OPRM1: variants seen among roughly 807,000 people sequenced by gnomAD.
OPRM1 encodes opioid receptor mu 1, also known as mu-type opioid receptor.
A neutral mutation model predicts 31.8 loss-of-function variants in OPRM1; 27 were observed. The observed-to-expected ratio is 0.85, with a 90% CI of 0.63 to 1.17. OPRM1 has a LOEUF of 1.17. OPRM1 is among the 50% of genes most tolerant of loss of function. The pLI is 0.00. For synonymous variants in OPRM1, 196 were observed against 189.9 expected (o/e 1.03, Z -0.26); for missense variants, 536 against 511.1 (o/e 1.05, Z -0.47).
chr6:154,199,712 A>T (rs1384667158), intron 3 of OPRM1: 1 of 1,613,940 alleles, frequency 6.2e-7, no homozygotes, highest in Admixed American at 1.7e-5. Flanking sequence ...TGGGACAGTA[A>T]GATGGTCATG....
At position 154,090,047 on chromosome 6, in the gene OPRM1, T is replaced by A; in HGVS notation, c.512T>A (p.Val171Asp). The stretch of plus-strand genomic sequence containing the variant: ...ATGAGTGTTGATCGATACATTGCAG[T>A]CTGCCACCCTGTCAAGGCCTTAGAT... The part of the protein sequence containing the change: ...CTMSVDRYIA[V>D]CHPVKALDFR... Residue 171 changes from valine (V) to aspartate (D), a missense_variant, in exon 2 of 4, where the codon GTC (valine) becomes GAC (aspartate). Val to Asp is a radical substitution (Grantham distance 152). Coordinates refer to ENST00000330432, the MANE Select transcript of OPRM1 (RefSeq NM_000914.5). The A allele has an allele frequency of 6.2e-7, 1 of 1,614,036 alleles. No individual in the cohort carries two copies. Among genetic ancestry groups the A allele is most frequent in the Non-Finnish European group, 8.5e-7 (1 of 1,179,900 alleles).
intron 1 of OPRM1, among the ~76,000 whole-genome samples, chr6:154,085,885 G>GC (rs1790418063): frequency 1.0e-5 from 1 of 98,334 alleles, no homozygotes; most frequent in Admixed American, 1.0e-4. Context: ...ATGAAAGCTT[G>GC]CCCTTTTTTT....
At chr6:154,216,470 A>G (rs1030621980) in intron 3 of OPRM1, among the ~76,000 whole-genome samples, 2 of 152,232 alleles carry the variant, frequency 1.3e-5, no homozygotes, top group African/African-American at 4.8e-5. Context: ...GATCAAGCAT[A>G]GAATAGTATG....
chr6:154,049,282 A>G (rs1781750295), intron 1 of OPRM1, among the ~76,000 whole-genome samples: 1 of 152,016 alleles, frequency 6.6e-6, no homozygotes, highest in Admixed American at 6.5e-5. Context: ...CACCACCACC[A>G]CCAACAACAA....
chr6:154,199,587 CTT>C, intron 3 of OPRM1: 1 of 1,402,836 alleles, frequency 7.1e-7, no homozygotes, highest in South Asian at 1.4e-5. Context: ...TTTAACCATT[CTT>C]GTTACAAATT....
At chr6:154,239,087 T>G (rs1429604092) in intron 3 of OPRM1, among the ~76,000 whole-genome samples, 1 of 152,070 alleles carries the variant, frequency 6.6e-6, no homozygotes, top group Non-Finnish European at 1.5e-5. Context: ...ACTCTGGCAA[T>G]GCCCAAGCAT....
At position 154,109,794 on chromosome 6, in the gene OPRM1, G is replaced by C. The variant is rs71549147; in HGVS notation, c.1165-8889G>C. ...TCTCTCTCTCTCTCTCTCTCTCTCTGTGTGTGTGTGTGTGTGTGTGTGTGT... is the reference window on the plus strand; with the variant it reads ...TCTCTCTCTCTCTCTCTCTCTCTCTCTGTGTGTGTGTGTGTGTGTGTGTGT... On this transcript the variant is annotated intron_variant, in intron 3 of 3. Coordinates refer to ENST00000330432, the MANE Select transcript of OPRM1 (RefSeq NM_000914.5). Among the ~76,000 whole-genome samples, 588 of 58,996 alleles carry C rather than the reference G, an allele frequency of 1.0e-2. 1 individual carries two copies. The highest frequency in any genetic ancestry group is 0.013 in the African/African-American group (253 of 18,804). 38.7% of individuals were successfully genotyped at this position (58,996 alleles called of 152,430 possible).
chr6:154,099,363 G>A (rs1252357971), intron 3 of OPRM1, among the ~76,000 whole-genome samples: 1 of 148,206 alleles, frequency 6.7e-6, no homozygotes, highest in African/African-American at 2.5e-5. Context: ...GAGAGAGAGA[G>A]AGAGAAAGAA....
chr6:154,025,851 T>G (rs1203043875), intron 1 of OPRM1, among the ~76,000 whole-genome samples: 2 of 152,152 alleles, frequency 1.3e-5, no homozygotes. Flanking sequence ...CCCCTACTTT[T>G]TAACATTTTG....
chr6:154,159,044 A>T (rs955464436), intron 3 of OPRM1: 45 of 152,274 alleles, frequency 3.0e-4, no homozygotes, highest in African/African-American at 1.1e-3. Flanking sequence ...AGCAGTAGAC[A>T]TTCTTTGCGG....
intron 3 of OPRM1, among the ~76,000 whole-genome samples, chr6:154,237,690 T>C (rs1780243238): frequency 6.6e-6 from 1 of 152,152 alleles, no homozygotes; most frequent in Admixed American, 6.5e-5. Context: ...CATAATAAAG[T>C]ACAGGATTAG....
intron 1 of OPRM1, among the ~76,000 whole-genome samples, chr6:154,078,192 C>A (rs1788298173): frequency 6.6e-6 from 1 of 152,176 alleles, no homozygotes; most frequent in African/African-American, 2.4e-5. Context: ...CAGTTCCATG[C>A]TTTATAAACT....
upstream of OPRM1, among the ~76,000 whole-genome samples, chr6:154,037,157 T>A (rs1779353202): frequency 6.6e-6 from 1 of 151,944 alleles, no homozygotes; most frequent in Admixed American, 6.6e-5. Flanking sequence ...AGATGAAACA[T>A]ATGATTCACC....
At chr6:154,158,950 T>A (rs1298425846) in intron 3 of OPRM1, 1 of 152,198 alleles carries the variant, frequency 6.6e-6, no homozygotes, top group African/African-American at 2.4e-5. Context: ...ACAATTCAGA[T>A]GCCAAAGTCG....
At chr6:154,022,502 G>A (rs979465590) in intron 1 of OPRM1, among the ~76,000 whole-genome samples, 7 of 126,378 alleles carry the variant, frequency 5.5e-5, no homozygotes, top group Non-Finnish European at 1.1e-4. Flanking sequence ...CATTCTATAG[G>A]TTGTCTCTTC....
intron 1 of OPRM1, chr6:154,083,402 G>C (rs894751047): frequency 1.3e-5 from 2 of 152,144 alleles, no homozygotes; most frequent in South Asian, 4.1e-4. Context: ...TTATTATGGG[G>C]ATACACAGAT....
At chr6:154,109,792 C>CTCTCTGTGTGTGTGTGTG (rs1358444421) in intron 3 of OPRM1, among the ~76,000 whole-genome samples, 14 of 101,196 alleles carry the variant, frequency 1.4e-4, no homozygotes, top group African/African-American at 5.3e-4. Context: ...CTCTCTCTCT[C>CTCTCTGTGTGTGTGTGTG]TGTGTGTGTG....
intron 3 of OPRM1, among the ~76,000 whole-genome samples, chr6:154,152,219 A>C (rs76111825): frequency 0.054 from 7,965 of 146,772 alleles, 867 homozygotes; most frequent in African/African-American, 0.18. Flanking sequence ...GAAGGAAGAA[A>C]GAACGAAAAA....
rs903522350 is a variant in OPRM1, at chr6:154,212,648, G to T, written c.1165-34045G>T. The stretch of plus-strand genomic sequence containing the variant: ...CCCTGAAAATTGCACTTGCTCGTTG[G>T]CAGGTATCTTAATTTAGCCCATTCT... On this transcript the variant is annotated intron_variant, in intron 3 of 3. Transcript: ENST00000337049. 6.2e-6 allele frequency: 4 copies of T among 649,176 alleles called. No individual in the cohort carries two copies. In the East Asian group the frequency reaches 1.1e-4, roughly 18 times the overall value. 40.2% of individuals were successfully genotyped at this position (649,176 alleles called of 1,614,324 possible).
Sources: allele counts gnomAD v4.1 joint callset (sites outside exome capture counted in the v4.1 genomes callset), GRCh38; gene constraint gnomAD v4.1.1; transcripts MANE v1.5; gene names NCBI Gene and HGNC (gene_info 2026-07-23, HGNC 2026-07-21).